The following NLRC5 variants were observed in gnomAD, a reference collection of about 807,000 sequenced individuals.
NLRC5 encodes the protein protein NLRC5.
Under a neutral mutation model 206.9 loss-of-function variants are expected in NLRC5, and 114 were observed. The ratio of observed to expected loss-of-function variants is 0.55; its 90% CI spans 0.47 to 0.64. The LOEUF is 0.64. Ranked by LOEUF, NLRC5 falls within the 30% of genes least tolerant of loss-of-function variation. The probability of loss-of-function intolerance (pLI) is 0.00; values close to 1 mark genes in which losing one functional copy is unlikely to be tolerated. For synonymous variants in NLRC5, 952 were observed against 962.8 expected (o/e 0.99, Z 0.21); for missense variants, 2,008 against 2,305.5 (o/e 0.87, Z 2.64).
intron 14 of NLRC5, among the ~76,000 whole-genome samples, chr16:57,036,874 C>T (rs977178725): frequency 2.6e-5 from 4 of 151,994 alleles, no homozygotes; most frequent in Non-Finnish European, 4.4e-5. Flanking sequence ...ATGTACAAAG[C>T]CTTTTGTACA....
At position 57,025,662 on chromosome 16, in the gene NLRC5, G is replaced by A. The variant is rs777720142; in HGVS notation, c.719G>A (p.Arg240Gln). 39 of 1,614,046 alleles carry A rather than the reference G, an allele frequency of 2.4e-5. No homozygotes were observed. The highest frequency in any genetic ancestry group is 1.6e-4 in the Middle Eastern group (1 of 6,084). The change falls in exon 6 of 49, where the codon CGG becomes CAG. Residue 240 changes from arginine (R) to glutamine (Q), a missense_variant. Transcript: ENST00000688547. ...ATGGGCAAGACCACGCTGGCCCACC[G>A]GCTCTGCCAGAAGTGGGCAGAGGGC... ...AGMGKTTLAH[R>Q]LCQKWAEGHL...
rs371276653 is a variant in NLRC5, at chr16:57,078,086, G to GC, written c.5081+66_5081+67insC. The GC allele has an allele frequency of 9.7e-5, 132 of 1,365,600 alleles. 2 individuals carry two copies. The African/African-American group carries it at 1.4e-3, about 14-fold the overall frequency. 84.6% of individuals were successfully genotyped at this position (1,365,600 alleles called of 1,614,324 possible). On this transcript the variant is annotated intron_variant, in intron 43 of 48. Coordinates refer to ENST00000688547, the MANE Select transcript of NLRC5 (RefSeq NM_001384950.1). ...AGGAGGGTCCTCGGGAGCAGTGGGG[G>GC]GGTCCAGGCCCCCATCAGTTGAGCT...
At chr16:57,047,219 G>A (rs569775582) in intron 22 of NLRC5, among the ~76,000 whole-genome samples, 47 of 152,310 alleles carry the variant, frequency 3.1e-4, no homozygotes, top group African/African-American at 1.1e-3. Flanking sequence ...GGGATTAAAG[G>A]GAGGCAAGAG....
chr16:57,001,272 CA>C (rs1173841027), intron 1 of NLRC5, among the ~76,000 whole-genome samples: 6 of 152,314 alleles, frequency 3.9e-5, no homozygotes, highest in Non-Finnish European at 7.4e-5. Context: ...TATTTCTGTC[CA>C]AATGTCTGTA....
intron 23 of NLRC5, 22 bp downstream of exon 23, chr16:57,047,650 C>G: frequency 1.9e-6 from 3 of 1,594,454 alleles, no homozygotes; most frequent in Admixed American, 1.7e-5. Flanking sequence ...GGACACAGCC[C>G]CAGAGGGCAC....
intron 41 of NLRC5, 106 bp from the exon 42 acceptor site, chr16:57,077,613 G>T (rs1329659889): frequency 6.0e-6 from 7 of 1,165,358 alleles, no homozygotes; most frequent in Middle Eastern, 2.1e-4. Context: ...GTGTCGGGGG[G>T]TTGTCTCTTA....
Position 57,027,303 on chromosome 16 carries a change from A to G in NLRC5, c.2075+285A>G, listed in dbSNP as rs291039. Among the ~76,000 whole-genome samples, 150,601 of 152,334 alleles carry G rather than the reference A, an allele frequency of 0.99. 74,469 individuals are homozygous for G. Among genetic ancestry groups the G allele is most frequent in the East Asian group, 1 (5,184 of 5,184 alleles). On this transcript the variant is annotated intron_variant, in intron 6 of 48. Coordinates refer to ENST00000688547, the MANE Select transcript of NLRC5 (RefSeq NM_001384950.1). Reference sequence around the variant, plus strand: ...AGAGGCTGGTGGACTTTGGGCAAGTATATGGAGCACACACATGCACACTGT... The same window carrying G: ...AGAGGCTGGTGGACTTTGGGCAAGTGTATGGAGCACACACATGCACACTGT...
intron 33 of NLRC5, 75 bp downstream of exon 33, chr16:57,065,373 C>A: frequency 9.3e-7 from 1 of 1,075,720 alleles, no homozygotes; most frequent in Non-Finnish European, 1.3e-6. Context: ...GACCTTCCCT[C>A]ATCCTGTGGG....
At position 57,082,587 on chromosome 16, in the gene NLRC5, C is replaced by T. The variant is rs1040232365; in HGVS notation, c.*59C>T. The T allele has an allele frequency of 2.8e-5, 37 of 1,300,596 alleles. No individual in the cohort carries two copies. The Admixed American group carries it at 5.0e-4, about 18-fold the overall frequency. 80.6% of individuals were successfully genotyped at this position (1,300,596 alleles called of 1,614,324 possible). A position where few individuals can be genotyped will look rare whatever the true frequency, so the allele number is the denominator to read the frequency against. On this transcript the variant is annotated 3_prime_UTR_variant, in exon 49 of 49. Transcript: ENST00000688547. ...TGATGCACCCAAATGATCCACCTTT[C>T]GCCCACTGGGATAATTGACTCAGGA...
chr16:57,033,290 G>A (rs1166704541), intron 11 of NLRC5, among the ~76,000 whole-genome samples: 2 of 152,142 alleles, frequency 1.3e-5, no homozygotes, highest in African/African-American at 4.8e-5. Flanking sequence ...CAATCCTTCA[G>A]GTACCTATGT....
At chr16:57,075,546 T>G (rs1445607790) in intron 39 of NLRC5, among the ~76,000 whole-genome samples, 1 of 152,080 alleles carries the variant, frequency 6.6e-6, no homozygotes, top group Non-Finnish European at 1.5e-5. Context: ...CTAACAAGCT[T>G]CCGGGTGGTA....
At chr16:57,008,556 A>G (rs1327864688) in intron 1 of NLRC5, among the ~76,000 whole-genome samples, 1 of 152,230 alleles carries the variant, frequency 6.6e-6, no homozygotes, top group East Asian at 1.9e-4. Flanking sequence ...CATAGTCCTC[A>G]AAGCAGAAAT....
chr16:57,059,634 T>G, intron 30 of NLRC5, 102 bp downstream of exon 30: 1 of 1,120,444 alleles, frequency 8.9e-7, no homozygotes, highest in Non-Finnish European at 1.2e-6. Flanking sequence ...TCTCCTCCTT[T>G]AGAGAGCAGC....
chr16:57,074,527 G>C (rs1209320296), intron 38 of NLRC5, 73 bp from the exon 39 acceptor site: 11 of 1,315,792 alleles, frequency 8.4e-6, no homozygotes, highest in Non-Finnish European at 1.2e-5. Context: ...GCTAAGCACA[G>C]AGGCCTCAGA....
intron 23 of NLRC5, among the ~76,000 whole-genome samples, chr16:57,050,402 C>T (rs2064718650): frequency 6.6e-6 from 1 of 152,220 alleles, no homozygotes; most frequent in Non-Finnish European, 1.5e-5. Context: ...CTCCATGCCT[C>T]CCCTCCAAAC....
At chr16:57,000,684 G>T (rs921845211) in intron 1 of NLRC5, among the ~76,000 whole-genome samples, 6 of 152,112 alleles carry the variant, frequency 3.9e-5, no homozygotes, top group Non-Finnish European at 8.8e-5. Context: ...TCTTTGTGAG[G>T]GACAACAGAG....
intron 45 of NLRC5, 125 bp downstream of exon 45, chr16:57,079,417 G>A (rs769660740): frequency 8.0e-6 from 11 of 1,377,862 alleles, no homozygotes; most frequent in Non-Finnish European, 1.1e-5. Context: ...TGGGGGCCTG[G>A]CTCAAGAAAG....
intron 1 of NLRC5, chr16:57,013,855 CA>C: frequency 1.5e-6 from 1 of 655,818 alleles, no homozygotes; most frequent in Non-Finnish European, 2.8e-6. Context: ...CTTTCTTTTT[CA>C]AAAATGGCAA....
intron 46 of NLRC5, among the ~76,000 whole-genome samples, chr16:57,079,925 C>T (rs897693362): frequency 4.6e-5 from 7 of 152,168 alleles, no homozygotes; most frequent in East Asian, 3.8e-4. Flanking sequence ...TTGGTCCAAC[C>T]TTCCTTTTGG....
Sources: gnomAD v4.1 joint callset for allele counts (sites outside exome capture counted in the v4.1 genomes callset) on GRCh38, gnomAD v4.1.1 for gene constraint, MANE v1.5 for transcripts, NCBI Gene and HGNC (gene_info 2026-07-23, HGNC 2026-07-21) for gene names.